Variants in ERICH2 observed in about 807,000 individuals in gnomAD.
The protein encoded by ERICH2 is glutamate-rich protein 2.
In ERICH2, 17 loss-of-function variants were observed where a neutral mutation model predicts 17.4. The observed-to-expected ratio is 0.98, with a 90% CI of 0.67 to 1.47. ERICH2 has a LOEUF of 1.47. ERICH2 is among the 40% of genes most tolerant of loss of function. The probability of loss-of-function intolerance (pLI) is 0.00; values close to 1 mark genes in which losing one functional copy is unlikely to be tolerated. For synonymous variants in ERICH2, 51 were observed against 61.1 expected (o/e 0.83, Z 0.77); for missense variants, 186 against 183.2 (o/e 1.01, Z -0.09).
chr2:170,797,077 G>A (rs1701444228), intron 3 of ERICH2, among the ~76,000 whole-genome samples: 3 of 152,274 alleles, frequency 2.0e-5, no homozygotes, highest in South Asian at 2.1e-4. Flanking sequence ...GGAATAAATA[G>A]TACTGAAAAC....
At chr2:170,793,538 C>A (rs1400524709) in intron 3 of ERICH2, among the ~76,000 whole-genome samples, 1 of 152,144 alleles carries the variant, frequency 6.6e-6, no homozygotes, top group African/African-American at 2.4e-5. Flanking sequence ...TATCTGGAGG[C>A]AGAGTGTGCC....
At chr2:170,792,982 A>G in intron 3 of ERICH2, 62 bp downstream of exon 8, 4 of 963,818 alleles carry the variant, frequency 4.2e-6, no homozygotes, top group Non-Finnish European at 4.6e-6. Context: ...TGAATTCCGT[A>G]ATATATAAAA....
upstream of ERICH2, among the ~76,000 whole-genome samples, chr2:170,781,207 A>C (rs966316540): frequency 6.6e-6 from 1 of 152,228 alleles, no homozygotes; most frequent in African/African-American, 2.4e-5. Flanking sequence ...CATGAGGGAA[A>C]AAAACAGAGC....
At chr2:170,798,843 C>A in exon 5 of ERICH2, 1 of 1,550,586 alleles carries the variant, frequency 6.4e-7, no homozygotes, top group South Asian at 1.2e-5. Flanking sequence ...AAGGAGAAAG[C>A]GATGAGGAGC....
upstream of ERICH2, chr2:170,783,671 C>G (rs1701080625): frequency 1.1e-6 from 1 of 934,464 alleles, no homozygotes. Flanking sequence ...ATCTAGGGAT[C>G]AGGAAACTTC....
the ERICH2 span, chr2:170,777,861 G>T: frequency 2.5e-6 from 1 of 401,754 alleles, no homozygotes; most frequent in Non-Finnish European, 4.4e-6. Flanking sequence ...CAGTTAAAAT[G>T]AAAAATGAAT....
At chr2:170,781,011 T>C (rs965733749), upstream of ERICH2, among the ~76,000 whole-genome samples, 11 of 152,318 alleles carry the variant, frequency 7.2e-5, no homozygotes, top group African/African-American at 2.4e-4. Context: ...GCAGAACAAA[T>C]GTAAATCATC....
At chr2:170,772,363 C>A in the ERICH2 span, among the ~76,000 whole-genome samples, 18 of 152,308 alleles carry the variant, frequency 1.2e-4, no homozygotes, top group African/African-American at 3.8e-4. Flanking sequence ...AACTGCAGTT[C>A]TGGCAGGAGA....
chr2:170,777,752 G>A, the ERICH2 span: 1 of 1,006,372 alleles, frequency 9.9e-7, no homozygotes, highest in African/African-American at 1.7e-5. Context: ...AGATAATGCA[G>A]CCATTTGTCA....
At chr2:170,788,270 A>G (rs1021022814) in intron 2 of ERICH2, among the ~76,000 whole-genome samples, 3 of 152,182 alleles carry the variant, frequency 2.0e-5, no homozygotes, top group South Asian at 2.1e-4. Context: ...AGAGCATTCA[A>G]TGACCCTATC....
exon 5 of ERICH2, chr2:170,798,862 G>C (rs116454042): frequency 3.9e-6 from 6 of 1,550,640 alleles, no homozygotes; most frequent in Non-Finnish European, 4.4e-6. Flanking sequence ...GCTGAGTGAC[G>C]AGAGCTCTGA....
intron 1 of ERICH2, chr2:170,783,917 A>G (rs1701085487): frequency 6.5e-7 from 1 of 1,549,788 alleles, no homozygotes; most frequent in Non-Finnish European, 8.7e-7. Context: ...GAAGAACTTG[A>G]TATTCCTTTT....
the ERICH2 span, among the ~76,000 whole-genome samples, chr2:170,776,075 A>G: frequency 1.3e-5 from 2 of 152,148 alleles, no homozygotes; most frequent in Non-Finnish European, 2.9e-5. Context: ...TTGAAAAAAA[A>G]GTAAGAGTTT....
chr2:170,797,811 A>G (rs7601631), intron 3 of ERICH2, among the ~76,000 whole-genome samples: 88,454 of 136,400 alleles, frequency 0.65, 28,871 homozygotes, highest in East Asian at 0.78. Context: ...AAAAAAAAAA[A>G]AAAGAAAGAA....
rs534369669 is a variant in ERICH2 at position 170,792,850 on chromosome 2, T to C, written c.217-13T>C. 6.7e-7 allele frequency: 1 copy of C among 1,488,984 alleles called. No individual in the cohort carries two copies. The highest frequency in any genetic ancestry group is 1.4e-5 in the African/African-American group (1 of 71,592). 92.2% of individuals were successfully genotyped at this position (1,488,984 alleles called of 1,614,324 possible). ...TTTAAATTCACTTATCTGAAGAATT[T>C]AATGTTTTCCAGTTTCTGAGAGCAG... On this transcript the variant is annotated splice_polypyrimidine_tract_variant and intron_variant, in intron 2 of 4. Coordinates refer to ENST00000409885, the Ensembl canonical transcript of ERICH2.
At chr2:170,772,669 A>G in the ERICH2 span, among the ~76,000 whole-genome samples, 1 of 152,230 alleles carries the variant, frequency 6.6e-6, no homozygotes, top group Admixed American at 6.5e-5. Context: ...ATTTGTATAC[A>G]CATTTGAAGC....
At chr2:170,787,467 T>C (rs981247978) in intron 2 of ERICH2, among the ~76,000 whole-genome samples, 3 of 152,250 alleles carry the variant, frequency 2.0e-5, no homozygotes, top group African/African-American at 7.2e-5. Flanking sequence ...CCCAGTGTGC[T>C]GCATGTTAGG....
upstream of ERICH2, among the ~76,000 whole-genome samples, chr2:170,781,523 A>G (rs1701027815): frequency 6.6e-6 from 1 of 151,924 alleles, no homozygotes; most frequent in Non-Finnish European, 1.5e-5. Flanking sequence ...AATCCCAGCT[A>G]CTAGAGAGGC....
intron 4 of ERICH2, 58 bp from the exon 10 acceptor site, chr2:170,798,712 T>C: frequency 6.5e-7 from 1 of 1,541,256 alleles, no homozygotes; most frequent in Non-Finnish European, 8.8e-7. Flanking sequence ...AGGAGAATTA[T>C]TTTTCAGAGT....
Sources: allele counts gnomAD v4.1 joint callset (sites outside exome capture counted in the v4.1 genomes callset), GRCh38; gene constraint gnomAD v4.1.1; transcripts MANE v1.5; gene names NCBI Gene and HGNC (gene_info 2026-07-23, HGNC 2026-07-21).